TECTA: variants seen among roughly 807,000 people sequenced by gnomAD.
The protein encoded by TECTA is alpha-tectorin.
A neutral mutation model predicts 216.8 loss-of-function variants in TECTA; 128 were observed. The observed-to-expected ratio is 0.59, with a 90% CI of 0.51 to 0.68. The LOEUF is 0.68. Among genes scored for constraint, TECTA ranks in the 30% least tolerant of loss-of-function variants. TECTA has a pLI of 0.00. For missense variants in TECTA, 2,551 were observed against 2,786.2 expected (o/e 0.92, Z 1.90); for synonymous variants, 1,089 against 1,117.1 (o/e 0.97, Z 0.50).
At chr11:121,137,300 A>G (rs1946738901) in intron 10 of TECTA, 121 bp from the exon 11 acceptor site, 2 of 1,318,836 alleles carry the variant, frequency 1.5e-6, no homozygotes, top group Non-Finnish European at 1.1e-6. Flanking sequence ...AAATGCATGC[A>G]TGCACACACG....
rs1443407360 is a variant in TECTA at position 121,128,146 on chromosome 11, C to G, written c.2169C>G (p.Thr723=). ...CLLSQNQVLH[T]FDGASYAFPS... Reference sequence around the variant, plus strand: ...TCAGCCAGAACCAGGTGCTGCACACCTTTGACGGCGCCTCCTACGCCTTCC... The same window carrying G: ...TCAGCCAGAACCAGGTGCTGCACACGTTTGACGGCGCCTCCTACGCCTTCC... The change falls in exon 9 of 24, where the codon ACC becomes ACG. Residue 723 remains threonine (T), a synonymous_variant. Transcript: ENST00000392793. 1 of 1,612,346 alleles carries G rather than the reference C, an allele frequency of 6.2e-7. No individual in the cohort carries two copies. The highest frequency in any genetic ancestry group is 2.2e-5 in the East Asian group (1 of 44,886).
intron 20 of TECTA, among the ~76,000 whole-genome samples, chr11:121,187,615 C>G (rs1417024615): frequency 6.7e-6 from 1 of 148,252 alleles, no homozygotes; most frequent in Non-Finnish European, 1.5e-5. Flanking sequence ...GATACTAATT[C>G]AAGGTGGTGT....
intron 13 of TECTA, among the ~76,000 whole-genome samples, chr11:121,156,801 T>TATTATTA (rs1440552427): frequency 3.3e-5 from 5 of 152,268 alleles, no homozygotes; most frequent in African/African-American, 1.2e-4. Flanking sequence ...AACCACAAGA[T>TATTATTA]ATTATTAATA....
Position 121,191,217 on chromosome 11 carries a change from T to C in TECTA, c.*411T>C, listed in dbSNP as rs1947337224. Reference sequence around the variant, plus strand: ...GCCTGTTGGAACGATTTTGAAGTGATGACTGGAAGGTTTGACTCCCTCTAA... The same window carrying C: ...GCCTGTTGGAACGATTTTGAAGTGACGACTGGAAGGTTTGACTCCCTCTAA... On this transcript the variant is annotated 3_prime_UTR_variant, in exon 24 of 24. Transcript: ENST00000392793. The C allele has an allele frequency of 6.8e-6, 2 of 294,834 alleles. No homozygotes were observed. Among genetic ancestry groups the C allele is most frequent in the Non-Finnish European group, 1.3e-5 (2 of 154,304 alleles). The allele number at this position is 294,834 out of a possible 1,614,324, so 18.3% of individuals were successfully genotyped here. A position where few individuals can be genotyped will look rare whatever the true frequency, so the allele number is the denominator to read the frequency against.
chr11:121,108,259 A>C (rs1437408156), intron 3 of TECTA, among the ~76,000 whole-genome samples: 1 of 151,868 alleles, frequency 6.6e-6, no homozygotes, highest in African/African-American at 2.4e-5. Context: ...GGCCCAGCAC[A>C]TACACGCATG....
At chr11:121,124,457 C>T (rs1400802947) in intron 7 of TECTA, among the ~76,000 whole-genome samples, 1 of 152,198 alleles carries the variant, frequency 6.6e-6, no homozygotes, top group Non-Finnish European at 1.5e-5. Flanking sequence ...CCTTTGGCCA[C>T]TTCTGTTTAT....
rs727503464 is a variant in TECTA, at chr11:121,158,062, C to A, written c.4527C>A (p.Cys1509Ter). The A allele has an allele frequency of 1.2e-6, 2 of 1,613,704 alleles. No individual in the cohort carries two copies. The highest frequency in any genetic ancestry group is 2.2e-5 in the East Asian group (1 of 44,888). Residue 1509 changes from cysteine to a stop codon, truncating the protein, a stop_gained, in exon 14 of 24, where the codon TGC becomes TGA. Coordinates refer to ENST00000392793, the MANE Select transcript of TECTA (RefSeq NM_005422.4). LOFTEE classifies it high-confidence loss of function. The stretch of plus-strand genomic sequence containing the variant: ...CCTTCCTGCGCTTCCCAGCCAACTG[C>A]GCCTTCGTGCTGTCCACCATCTGCC... ...DGAFLRFPAN[C>*]AFVLSTICQK...
chr11:121,189,982 C>G (rs372783417), intron 23 of TECTA, 102 bp downstream of exon 23: 8 of 938,286 alleles, frequency 8.5e-6, no homozygotes, highest in East Asian at 7.4e-5. Context: ...GTCAGCAACT[C>G]TCCCTCGAAA....
chr11:121,129,097 T>C lies in TECTA; in HGVS notation c.2368-541T>C, dbSNP rs576359892. Among the ~76,000 whole-genome samples, 28 of 152,352 alleles carry C rather than the reference T, an allele frequency of 1.8e-4. No homozygotes were observed. The South Asian group carries it at 5.8e-3, about 32-fold the overall frequency. On this transcript the variant is annotated intron_variant, in intron 9 of 23. Transcript: ENST00000392793. ...AGTACTGCCCAAGGAGATAATAAAATACGCATCCACAAACTGGAAGGGATG... is the reference window on the plus strand; with the variant it reads ...AGTACTGCCCAAGGAGATAATAAAACACGCATCCACAAACTGGAAGGGATG...
intron 11 of TECTA, among the ~76,000 whole-genome samples, chr11:121,139,797 C>A (rs1260383196): frequency 6.6e-6 from 1 of 152,334 alleles, no homozygotes; most frequent in Non-Finnish European, 1.5e-5. Context: ...TATATTGCCA[C>A]TGAGGCAAGT....
chr11:121,102,606 T>C, intron 1 of TECTA, 59 bp from the exon 2 acceptor site: 1 of 1,283,596 alleles, frequency 7.8e-7, no homozygotes, highest in Non-Finnish European at 1.1e-6. Context: ...ACACACCTGG[T>C]GTTCTGTTTA....
rs1591434655 is a variant in TECTA, at chr11:121,105,771, T to C, written c.65-60T>C. The C allele has an allele frequency of 1.7e-5, 27 of 1,609,678 alleles. No individual in the cohort carries two copies. The East Asian group carries it at 5.4e-4, about 32-fold the overall frequency. On this transcript the variant is annotated intron_variant, in intron 2 of 23. Transcript: ENST00000392793. The surrounding 1 kb of genome is among the most constrained non-coding windows in gnomAD (Gnocchi z 5.3). ...AGCTGGCTTCAGTAGGTAGGAGAGATGTAGATTGCCAAACGGCAGAGGGAG... is the reference window on the plus strand; with the variant it reads ...AGCTGGCTTCAGTAGGTAGGAGAGACGTAGATTGCCAAACGGCAGAGGGAG...
At chr11:121,168,579 GC>G in intron 19 of TECTA, 97 bp from the exon 20 acceptor site, 9 of 1,590,910 alleles carry the variant, frequency 5.7e-6, no homozygotes, top group Non-Finnish European at 6.9e-6. Flanking sequence ...GCTACTACGT[GC>G]TTTGCTTTCC....
chr11:121,165,224 T>C (rs113448975), intron 16 of TECTA, 49 bp from the exon 17 acceptor site: 7 of 1,523,086 alleles, frequency 4.6e-6, no homozygotes, highest in Non-Finnish European at 6.3e-6. Context: ...CTACCGCATG[T>C]AGGTGTGAAA....
Position 121,102,680 on chromosome 11 carries a change from A to G in TECTA, c.15A>G (p.Ser5=), listed in dbSNP as rs558472378. MNYS[S]FLRIWVSFIF... Reference sequence around the variant, plus strand: ...AAAATTCCAGGATGAATTATTCATCATTCCTTAGAATTTGGGTCTCTTTCA... The same window carrying G: ...AAAATTCCAGGATGAATTATTCATCGTTCCTTAGAATTTGGGTCTCTTTCA... The change falls in exon 2 of 24, where the codon TCA becomes TCG. Residue 5 remains serine (S), a synonymous_variant. Transcript: ENST00000392793. The G allele has an allele frequency of 2.5e-6, 4 of 1,613,508 alleles. No individual in the cohort carries two copies. The African/African-American group carries it at 4.0e-5, about 16-fold the overall frequency.
intron 12 of TECTA, among the ~76,000 whole-genome samples, chr11:121,152,041 G>A (rs1252227337): frequency 6.6e-6 from 1 of 152,222 alleles, no homozygotes; most frequent in African/African-American, 2.4e-5. Context: ...ATTGGTATCT[G>A]TATTTATAGA....
Position 121,167,354 on chromosome 11 carries a change from C to T in TECTA, c.5586+574C>T, listed in dbSNP as rs531537316. Among the ~76,000 whole-genome samples the T allele has an allele frequency of 6.5e-4, 99 of 152,246 alleles. 1 individual carries two copies. The South Asian group carries it at 0.02, about 31-fold the overall frequency. ...AAGGCTGACATGGGAGGATCATAAGCCCAGGAGTTCAAGGCTGCAGTGAGC... is the reference window on the plus strand; with the variant it reads ...AAGGCTGACATGGGAGGATCATAAGTCCAGGAGTTCAAGGCTGCAGTGAGC... On this transcript the variant is annotated intron_variant, in intron 18 of 23. Transcript: ENST00000392793.
intron 16 of TECTA, 110 bp from the exon 17 acceptor site, chr11:121,165,163 C>T: frequency 9.6e-7 from 1 of 1,041,684 alleles, no homozygotes; most frequent in Admixed American, 2.0e-5. Flanking sequence ...CAGCTGCCAT[C>T]TGACCATTTC....
In TECTA at chr11:121,137,375, ACTTTTGTC is replaced by A. The variant is rs779658774; in HGVS notation, c.2942-40_2942-33del. 36 of 1,613,198 alleles carry A rather than the reference ACTTTTGTC, an allele frequency of 2.2e-5. No homozygotes were observed. In the Admixed American group the frequency reaches 3.3e-4, roughly 15 times the overall value. ...GCATGCACGCACACTTCTGTCTCTG[ACTTTTGTC>A]CTTTTCTCAAACCCGTCTTCTCCTT... is the stretch of plus-strand genomic sequence containing the variant. On this transcript the variant is annotated intron_variant, in intron 10 of 23. Transcript: ENST00000392793.
Sources: gnomAD v4.1 joint callset for allele counts (sites outside exome capture counted in the v4.1 genomes callset) on GRCh38, gnomAD v4.1.1 for gene constraint, Gnocchi (gnomAD v3.1) non-coding constraint, MANE v1.5 for transcripts, NCBI Gene and HGNC (gene_info 2026-07-23, HGNC 2026-07-21) for gene names.